Variants in SPON2 observed in about 807,000 individuals in gnomAD.
The protein encoded by SPON2 is spondin-2.
Under a neutral mutation model 29.9 loss-of-function variants are expected in SPON2, and 32 were observed. That is an observed-to-expected ratio of 1.07 (90% CI 0.81 to 1.44). SPON2 has a LOEUF of 1.44. Ranked by LOEUF, SPON2 falls within the 40% of genes most tolerant of loss-of-function variation. The pLI, the probability that SPON2 is intolerant of heterozygous loss-of-function variation, is 0.00. For synonymous variants in SPON2, 248 were observed against 209.1 expected (o/e 1.19, Z -1.61); for missense variants, 541 against 455.5 (o/e 1.19, Z -1.71).
intron 1 of SPON2, among the ~76,000 whole-genome samples, chr4:1,207,230 G>A (rs1352404224): frequency 6.6e-6 from 1 of 152,168 alleles, no homozygotes; most frequent in African/African-American, 2.4e-5. Flanking sequence ...CACAGAGGGG[G>A]TGGAGGCCGG....
upstream of SPON2, among the ~76,000 whole-genome samples, chr4:1,175,064 G>A (rs1367748481): frequency 2.6e-5 from 4 of 152,334 alleles, no homozygotes; most frequent in East Asian, 5.8e-4. Flanking sequence ...CTCAGAGGCT[G>A]GACTCGAATC....
chr4:1,183,259 A>G (rs1560206757), intron 1 of SPON2, among the ~76,000 whole-genome samples: 1 of 151,222 alleles, frequency 6.6e-6, no homozygotes, highest in African/African-American at 2.4e-5. Context: ...AAAAAAACAA[A>G]AAAGAAAGAG....
At chr4:1,203,300 CTG>C (rs1728259877) in intron 1 of SPON2, among the ~76,000 whole-genome samples, 8 of 152,250 alleles carry the variant, frequency 5.3e-5, no homozygotes, top group Admixed American at 4.6e-4. Flanking sequence ...GGAGTCTACT[CTG>C]TGTCACCGTG....
chr4:1,187,941 C>G (rs1157928336), intron 1 of SPON2, among the ~76,000 whole-genome samples: 1 of 151,994 alleles, frequency 6.6e-6, no homozygotes, highest in Non-Finnish European at 1.5e-5. Context: ...GCAACACACG[C>G]CTATAATCCC....
At chr4:1,167,694 C>T (rs1727291420) in intron 5 of SPON2, 38 bp from the exon 6 acceptor site, 1 of 1,539,436 alleles carries the variant, frequency 6.5e-7, no homozygotes, top group South Asian at 1.2e-5. Flanking sequence ...TGAACGCTCG[C>T]GTGAAGAGGC....
upstream of SPON2, among the ~76,000 whole-genome samples, chr4:1,198,268 C>T (rs1024293718): frequency 2.0e-5 from 3 of 152,146 alleles, no homozygotes; most frequent in African/African-American, 7.2e-5. Flanking sequence ...GGATGAGCGG[C>T]ACCACGCAGA....
chr4:1,175,527 T>G (rs1392869678), upstream of SPON2, among the ~76,000 whole-genome samples: 1 of 143,676 alleles, frequency 7.0e-6, no homozygotes, highest in South Asian at 2.3e-4. Flanking sequence ...GGCTGGGGGG[T>G]CTCCAGCTAG....
chr4:1,201,136 G>A (rs1368983114), intron 1 of SPON2: 7 of 455,678 alleles, frequency 1.5e-5, no homozygotes, highest in Admixed American at 2.4e-5. Context: ...CACAGCCAGC[G>A]GGACCCAGAT....
At chr4:1,184,225 T>A (rs2108659577) in intron 1 of SPON2, among the ~76,000 whole-genome samples, 1 of 152,278 alleles carries the variant, frequency 6.6e-6, no homozygotes. Flanking sequence ...CACCTCAGTC[T>A]CCCAAAGTGC....
chr4:1,196,377 C>G (rs978569109), upstream of SPON2, among the ~76,000 whole-genome samples: 1 of 152,228 alleles, frequency 6.6e-6, no homozygotes, highest in Non-Finnish European at 1.5e-5. Context: ...CATGTGAGCT[C>G]CATGGGAACC....
At chr4:1,176,556 C>G (rs140103107), upstream of SPON2, among the ~76,000 whole-genome samples, 486 of 152,104 alleles carry the variant, frequency 3.2e-3, 3 homozygotes, top group Middle Eastern at 0.014. Flanking sequence ...TTCACTCACA[C>G]AGTACATTCA....
At chr4:1,198,684 T>A (rs189410232), upstream of SPON2, among the ~76,000 whole-genome samples, 272 of 151,986 alleles carry the variant, frequency 1.8e-3, 1 homozygote, top group Non-Finnish European at 1.6e-3. Context: ...AGCATCGTGT[T>A]ATGGCCAAGC....
At chr4:1,207,585 GCTC>G (rs1728374524) in intron 1 of SPON2, among the ~76,000 whole-genome samples, 1 of 150,866 alleles carries the variant, frequency 6.6e-6, no homozygotes, top group Non-Finnish European at 1.5e-5. Context: ...GCTTACACAT[GCTC>G]CAGAGGGTCC....
chr4:1,183,997 A>G (rs1003141894), intron 1 of SPON2, among the ~76,000 whole-genome samples: 1 of 152,230 alleles, frequency 6.6e-6, no homozygotes, highest in Non-Finnish European at 1.5e-5. Flanking sequence ...AGTTATTTTG[A>G]GACAGGGTCT....
At chr4:1,190,573 A>G (rs1377104339) in intron 1 of SPON2, among the ~76,000 whole-genome samples, 1 of 152,236 alleles carries the variant, frequency 6.6e-6, no homozygotes, top group Non-Finnish European at 1.5e-5. Context: ...AACATTTTCG[A>G]AAAGATTATG....
At chr4:1,191,798 G>A (rs375119726) in intron 1 of SPON2, among the ~76,000 whole-genome samples, 1 of 152,354 alleles carries the variant, frequency 6.6e-6, no homozygotes, top group African/African-American at 2.4e-5. Flanking sequence ...GCAGCGGTTG[G>A]ATCAGTGTGG....
chr4:1,195,914 G>A (rs567793669), upstream of SPON2, among the ~76,000 whole-genome samples: 52 of 152,344 alleles, frequency 3.4e-4, no homozygotes, highest in African/African-American at 1.2e-3. Context: ...GATTGCAGGC[G>A]TGAGCCCCAC....
upstream of SPON2, among the ~76,000 whole-genome samples, chr4:1,178,125 A>G (rs57127279): frequency 3.9e-4 from 46 of 117,728 alleles, no homozygotes; most frequent in African/African-American, 1.1e-3. Context: ...CTCCGGCCAG[A>G]CACCACGGGC....
At chr4:1,174,505 AAAAAACAAAAAAC>A (rs1727552523), upstream of SPON2, among the ~76,000 whole-genome samples, 1 of 150,036 alleles carries the variant, frequency 6.7e-6, no homozygotes, top group Non-Finnish European at 1.5e-5. Flanking sequence ...AAAAAAAACA[AAAAAACAAAAAAC>A]AAAAACAAAA....
Sources: allele counts gnomAD v4.1 joint callset (sites outside exome capture counted in the v4.1 genomes callset), GRCh38; gene constraint gnomAD v4.1.1; transcripts MANE v1.5; gene names NCBI Gene and HGNC (gene_info 2026-07-23, HGNC 2026-07-21).